Variants in LRMDA observed in about 807,000 individuals in gnomAD.
LRMDA encodes leucine rich melanocyte differentiation associated.
Under a neutral mutation model 29.8 loss-of-function variants are expected in LRMDA, and 18 were observed. The observed-to-expected ratio is 0.60, with a 90% CI of 0.42 to 0.90. The LOEUF (loss-of-function observed/expected upper bound fraction) is 0.90. Among genes scored for constraint, LRMDA ranks in the 40% least tolerant of loss-of-function variants. LRMDA has a pLI of 0.00. For synonymous variants in LRMDA, 125 were observed against 109.4 expected (o/e 1.14, Z -0.89); for missense variants, 273 against 273.9 (o/e 1.00, Z 0.02).
chr10:75,737,248 C>A (rs1334551208), intron 2 of LRMDA, among the ~76,000 whole-genome samples: 1 of 152,208 alleles, frequency 6.6e-6, no homozygotes, highest in Admixed American at 6.5e-5. Context: ...CTTTGTCAAC[C>A]CTTTCTAATC....
intron 2 of LRMDA, among the ~76,000 whole-genome samples, chr10:75,688,037 A>C (rs1842103486): frequency 6.6e-6 from 1 of 152,206 alleles, no homozygotes; most frequent in South Asian, 2.1e-4. Context: ...CAATGCACAT[A>C]ATCACCCAAC....
intron 5 of LRMDA, among the ~76,000 whole-genome samples, chr10:76,147,451 A>G (rs1850349076): frequency 6.6e-6 from 1 of 151,956 alleles, no homozygotes; most frequent in Admixed American, 6.6e-5. Flanking sequence ...TCCATCACTG[A>G]TACCCTTTCT....
chr10:75,499,447 G>T (rs1845086970), intron 2 of LRMDA, among the ~76,000 whole-genome samples: 1 of 152,202 alleles, frequency 6.6e-6, no homozygotes, highest in Non-Finnish European at 1.5e-5. Flanking sequence ...GCAGGCCCAG[G>T]TGCTTACTCT....
At chr10:76,224,718 G>C (rs953393146) in intron 5 of LRMDA, among the ~76,000 whole-genome samples, 6 of 101,954 alleles carry the variant, frequency 5.9e-5, no homozygotes, top group Non-Finnish European at 1.1e-4. Context: ...AATTTAACAT[G>C]TAACTTCATT....
At chr10:75,911,481 C>T (rs771863885) in intron 2 of LRMDA, among the ~76,000 whole-genome samples, 5 of 152,164 alleles carry the variant, frequency 3.3e-5, no homozygotes, top group East Asian at 1.9e-4. Flanking sequence ...GTTCCTGGGT[C>T]GTTCTCTGGA....
intron 2 of LRMDA, among the ~76,000 whole-genome samples, chr10:75,446,417 C>A (rs1844397757): frequency 6.6e-6 from 1 of 152,216 alleles, no homozygotes; most frequent in Non-Finnish European, 1.5e-5. Context: ...AGGGCCATTT[C>A]ACTATGGTTG....
chr10:76,424,300 A>G (rs1217822108), intron 6 of LRMDA, among the ~76,000 whole-genome samples: 1 of 152,110 alleles, frequency 6.6e-6, no homozygotes, highest in Non-Finnish European at 1.5e-5. Flanking sequence ...AGTTTAAAAC[A>G]GGTAGGACCA....
At chr10:75,433,651 A>C (rs1844231768) in intron 1 of LRMDA, among the ~76,000 whole-genome samples, 1 of 152,172 alleles carries the variant, frequency 6.6e-6, no homozygotes, top group Admixed American at 6.5e-5. Flanking sequence ...ATGGAACAGT[A>C]CTTGTCAGAC....
intron 2 of LRMDA, among the ~76,000 whole-genome samples, chr10:75,811,231 C>G (rs1356558187): frequency 1.3e-5 from 2 of 152,170 alleles, no homozygotes; most frequent in East Asian, 3.9e-4. Context: ...ACATGGTTGC[C>G]TGTCTGGTTA....
At chr10:75,963,087 G>A (rs981814398) in intron 2 of LRMDA, among the ~76,000 whole-genome samples, 3 of 152,150 alleles carry the variant, frequency 2.0e-5, no homozygotes, top group African/African-American at 7.2e-5. Flanking sequence ...TCTTCTTACA[G>A]CCATAAGTCC....
At chr10:75,491,342 C>T (rs911956935) in intron 2 of LRMDA, among the ~76,000 whole-genome samples, 1 of 152,150 alleles carries the variant, frequency 6.6e-6, no homozygotes, top group African/African-American at 2.4e-5. Context: ...TCCCCCTGGG[C>T]GGTATTGTGG....
intron 2 of LRMDA, among the ~76,000 whole-genome samples, chr10:75,738,245 T>C (rs1842789431): frequency 6.6e-6 from 1 of 151,970 alleles, no homozygotes; most frequent in Admixed American, 6.6e-5. Context: ...ACCAAGGAGG[T>C]AGGGCCTTTG....
intron 2 of LRMDA, among the ~76,000 whole-genome samples, chr10:75,578,656 C>T: frequency 6.6e-6 from 1 of 152,120 alleles, no homozygotes; most frequent in East Asian, 1.9e-4. Context: ...AAGTAAACCA[C>T]TCCTCAGCAA....
chr10:76,095,568 C>G (rs1169576355), intron 5 of LRMDA, among the ~76,000 whole-genome samples: 1 of 152,220 alleles, frequency 6.6e-6, no homozygotes, highest in African/African-American at 2.4e-5. Context: ...AATTGCCAGA[C>G]TGTTTTTCAA....
At chr10:75,888,075 G>A (rs936189936) in intron 2 of LRMDA, among the ~76,000 whole-genome samples, 13 of 152,052 alleles carry the variant, frequency 8.5e-5, no homozygotes, top group African/African-American at 2.4e-4. Flanking sequence ...CCAGTAATAC[G>A]TTTCTAATGG....
chr10:76,218,989 CAGACTAGGAATGTTGGG>C (rs1851778399), intron 5 of LRMDA, among the ~76,000 whole-genome samples: 1 of 152,156 alleles, frequency 6.6e-6, no homozygotes, highest in African/African-American at 2.4e-5. Context: ...CAAAGTGGTG[CAGACTAGGAATGTTGGG>C]AGGAACTATG....
At chr10:76,019,446 C>G (rs1165038137) in intron 2 of LRMDA, among the ~76,000 whole-genome samples, 1 of 152,074 alleles carries the variant, frequency 6.6e-6, no homozygotes, top group African/African-American at 2.4e-5. Flanking sequence ...TTGACTTATA[C>G]AGATTTTTGG....
intron 2 of LRMDA, among the ~76,000 whole-genome samples, chr10:75,862,662 G>A (rs183430023): frequency 2.0e-5 from 3 of 152,262 alleles, no homozygotes; most frequent in African/African-American, 4.8e-5. Flanking sequence ...CACATCAATC[G>A]GTAGTGCATT....
At chr10:76,070,614 T>C (rs1848859323) in intron 5 of LRMDA, among the ~76,000 whole-genome samples, 1 of 152,180 alleles carries the variant, frequency 6.6e-6, no homozygotes, top group African/African-American at 2.4e-5. Flanking sequence ...CGTGTGAATT[T>C]GGGGGTACGC....
Sources: allele counts gnomAD v4.1 joint callset (sites outside exome capture counted in the v4.1 genomes callset), GRCh38; gene constraint gnomAD v4.1.1; transcripts MANE v1.5; gene names NCBI Gene and HGNC (gene_info 2026-07-23, HGNC 2026-07-21).